NOP2: variants seen among roughly 807,000 people sequenced by gnomAD.
NOP2 encodes NOP2 nucleolar protein, also known as 28S rRNA (cytosine(4447)-C(5))-methyltransferase.
NOP2 carries 7 observed loss-of-function variants against 72.7 expected under a neutral mutation model. That is an observed-to-expected ratio of 0.10 (90% CI 0.05 to 0.18). The LOEUF is 0.18. Ranked by LOEUF, NOP2 falls within the 10% of genes least tolerant of loss-of-function variation. The pLI is 1.00. For missense variants in NOP2, 954 were observed against 1,014.7 expected, an observed-to-expected ratio of 0.94 and a Z score of 0.81; for synonymous variants, 387 against 388.0, an observed-to-expected ratio of 1.00 and a Z score of 0.03.
intron 5 of NOP2, chr12:6,564,275 C>CAAA (rs560024120): frequency 2.9e-3 from 212 of 74,118 alleles, no homozygotes; most frequent in South Asian, 0.018. Flanking sequence ...GACTTCATCT[C>CAAA]AAAAAAAAAA....
At chr12:6,557,933 A>G in intron 15 of NOP2, 1 of 403,886 alleles carries the variant, frequency 2.5e-6, no homozygotes, top group Non-Finnish European at 4.5e-6. Context: ...GCTTGAGGCC[A>G]GGAGTTCAAG....
chr12:6,557,538 TCTTTGCAGCCCCCTTGG>T lies in NOP2; in HGVS notation c.1877_1893del (p.Ala626AspfsTer48). 6.2e-7 allele frequency: 1 copy of T among 1,613,892 alleles called. No homozygotes were observed. The highest frequency in any genetic ancestry group is 8.5e-7 in the Non-Finnish European group (1 of 1,179,864). ...TGCTGTTTCTGCAGCTGCTGCTTTG[TCTTTGCAGCCCCCTTGG>T]CTTTCTTGGCTGGCTGGCTGCTGTT... is the stretch of plus-strand genomic sequence containing the variant. On this transcript the variant is annotated frameshift_variant, in exon 16 of 16. Transcript: ENST00000322166. LOFTEE classifies it low-confidence loss of function (END_TRUNC).
chr12:6,559,355 G>A (rs1367572788), intron 15 of NOP2, among the ~76,000 whole-genome samples: 2 of 152,246 alleles, frequency 1.3e-5, no homozygotes, highest in East Asian at 1.9e-4. Flanking sequence ...TCCTGACCTC[G>A]TGATCCACCC....
At position 6,563,319 on chromosome 12, in the gene NOP2, G is replaced by A; in HGVS notation, c.884C>T (p.Ser295Phe). Residue 295 changes from serine to phenylalanine, a missense_variant, in exon 8 of 16, where the codon TCT becomes TTT. This residue lies in a region of NOP2 where 498 missense variants were observed against 478.3 expected (regional missense o/e 1.04). Transcript: ENST00000322166. The stretch of plus-strand genomic sequence containing the variant: ...GGCATTCTGGCAATCCAGTACCTCA[G>A]ACAGAGGGAAGAGGTCCATGAGCTT... ...LGKLMDLFPL[S>F]ELVEFLEANE... 2 of 1,590,804 alleles carry A rather than the reference G, an allele frequency of 1.3e-6. No homozygotes were observed. The highest frequency in any genetic ancestry group is 1.7e-6 in the Non-Finnish European group (2 of 1,168,566).
intron 15 of NOP2, among the ~76,000 whole-genome samples, chr12:6,559,541 T>C (rs1287883609): frequency 1.3e-5 from 2 of 152,210 alleles, no homozygotes; most frequent in African/African-American, 4.8e-5. Flanking sequence ...CTACTATTTC[T>C]AAAGTAGCAC....
At chr12:6,564,243 T>A (rs760957140) in intron 5 of NOP2, 1 of 345,124 alleles carries the variant, frequency 2.9e-6, no homozygotes. Context: ...GCCACTGCAC[T>A]CCAGCCTGGG....
At chr12:6,566,919 T>TTCTC in intron 2 of NOP2, 97 bp from the exon 3 acceptor site, 3 of 922,574 alleles carry the variant, frequency 3.3e-6, no homozygotes, top group Non-Finnish European at 5.1e-6. Context: ...AGTACACTAA[T>TTCTC]TAAAAGGAGT....
intron 1 of NOP2, 43 bp downstream of exon 1, chr12:6,568,164 T>C: frequency 1.9e-6 from 1 of 538,796 alleles, no homozygotes; most frequent in Non-Finnish European, 3.3e-6. Flanking sequence ...CCAGACCAGG[T>C]CAGTGCTGCC....
intron 1 of NOP2, 117 bp from the exon 2 acceptor site, chr12:6,568,039 CACTCAGCACTCCCG>C (rs1384632026): frequency 1.4e-6 from 1 of 705,268 alleles, no homozygotes; most frequent in African/African-American, 1.8e-5. Flanking sequence ...ACCCGCAACT[CACTCAGCACTCCCG>C]ACTCAGCACC....
chr12:6,557,891 C>A, intron 15 of NOP2: 1 of 477,732 alleles, frequency 2.1e-6, no homozygotes, highest in South Asian at 2.2e-5. Flanking sequence ...ACCTGTAATT[C>A]CAGCACTTTG....
In NOP2 at chr12:6,563,063, T is replaced by A; in HGVS notation, c.978+18A>T. The A allele has an allele frequency of 6.4e-7, 1 of 1,565,746 alleles. No homozygotes were observed. On this transcript the variant is annotated intron_variant, in intron 9 of 15. Transcript: ENST00000322166. Reference sequence around the variant, plus strand: ...ACTTCCCTTCTGAGATGAGTGAGCCTCAAAGGCCACCCCTCACCTGTGCAA... The same window carrying A: ...ACTTCCCTTCTGAGATGAGTGAGCCACAAAGGCCACCCCTCACCTGTGCAA...
At chr12:6,565,993 T>C (rs1947769759) in intron 5 of NOP2, 108 bp downstream of exon 5, 1 of 892,952 alleles carries the variant, frequency 1.1e-6, no homozygotes, top group South Asian at 1.6e-5. Context: ...AAAAACCCCT[T>C]TCCTCTAGTC....
At chr12:6,565,047 C>T (rs191484398) in intron 5 of NOP2, among the ~76,000 whole-genome samples, 1 of 152,238 alleles carries the variant, frequency 6.6e-6, no homozygotes, top group Non-Finnish European at 1.5e-5. Flanking sequence ...AATAATACAT[C>T]CACACACTAA....
chr12:6,562,067 C>A (rs1393686827), intron 9 of NOP2, 96 bp from the exon 10 acceptor site: 3 of 857,196 alleles, frequency 3.5e-6, no homozygotes, highest in Non-Finnish European at 3.8e-6. Context: ...CGGCTCACAG[C>A]AACCTCCACC....
Position 6,563,175 on chromosome 12 carries a change from G to C in NOP2, c.889-5C>G. The C allele has an allele frequency of 1.9e-6, 3 of 1,582,888 alleles. No individual in the cohort carries two copies. Among genetic ancestry groups the C allele is most frequent in the Non-Finnish European group, 2.6e-6 (3 of 1,164,614 alleles). ...AGCTTCTAAGAACTCCACCAGCTGC[G>C]GGGCAAGACAGCAGGGAATAAGTGA... On this transcript the variant is annotated splice_polypyrimidine_tract_variant and splice_region_variant and intron_variant, in intron 8 of 15. Coordinates refer to ENST00000322166, the MANE Select transcript of NOP2 (RefSeq NM_001258308.2).
At chr12:6,566,639 AAGGAG>A in intron 3 of NOP2, 22 bp from the exon 4 acceptor site, 1 of 1,611,460 alleles carries the variant, frequency 6.2e-7, no homozygotes, top group Non-Finnish European at 8.5e-7. Flanking sequence ...CAAGAGATTC[AAGGAG>A]TGAAGAAATG....
chr12:6,566,462 C>A (rs1032014045), intron 4 of NOP2, 67 bp downstream of exon 4: 1 of 1,538,272 alleles, frequency 6.5e-7, no homozygotes, highest in Non-Finnish European at 9.0e-7. Flanking sequence ...AAATGTTTAG[C>A]GAGTTCTTCC....
At chr12:6,558,910 A>G (rs919396764) in intron 15 of NOP2, among the ~76,000 whole-genome samples, 1 of 152,054 alleles carries the variant, frequency 6.6e-6, no homozygotes, top group African/African-American at 2.4e-5. Flanking sequence ...GTGAATTGTG[A>G]TGAAGTGCGG....
chr12:6,566,846 C>T, intron 2 of NOP2, 24 bp from the exon 3 acceptor site: 2 of 1,598,034 alleles, frequency 1.3e-6, no homozygotes, highest in Non-Finnish European at 1.7e-6. Context: ...AAAAACGAGG[C>T]AGAACAAGTT....
Sources: allele counts gnomAD v4.1 joint callset (sites outside exome capture counted in the v4.1 genomes callset), GRCh38; gene constraint gnomAD v4.1.1; regional missense constraint gnomAD v4.1.1; transcripts MANE v1.5; gene names NCBI Gene and HGNC (gene_info 2026-07-23, HGNC 2026-07-21).